The following SS18L1 variants were observed in gnomAD, a reference collection of about 807,000 sequenced individuals.
SS18L1 encodes calcium-responsive transactivator.
A neutral mutation model predicts 70.3 loss-of-function variants in SS18L1; 32 were observed. That is an observed-to-expected ratio of 0.46 (90% CI 0.34 to 0.61). The LOEUF (loss-of-function observed/expected upper bound fraction) is 0.61, where lower values mean the gene tolerates loss of function less well. Ranked by LOEUF, SS18L1 falls within the 20% of genes least tolerant of loss-of-function variation. SS18L1 has a pLI of 0.01. For synonymous variants in SS18L1, 237 were observed against 229.7 expected (o/e 1.03, Z -0.29); for missense variants, 430 against 542.1 (o/e 0.79, Z 2.05).
intron 8 of SS18L1, 134 bp downstream of exon 8, chr20:62,165,648 G>A (rs1334919246): frequency 8.4e-6 from 7 of 830,726 alleles, no homozygotes; most frequent in Admixed American, 4.6e-5. Context: ...CGTGGGAGGA[G>A]AGACAGTGTG....
intron 8 of SS18L1, among the ~76,000 whole-genome samples, chr20:62,170,281 G>A (rs1230809031): frequency 3.9e-5 from 6 of 152,340 alleles, no homozygotes; most frequent in African/African-American, 9.6e-5. Flanking sequence ...CGGGGCAGGC[G>A]GATCACGAGG....
At chr20:62,157,851 G>C (rs111353673) in intron 1 of SS18L1, among the ~76,000 whole-genome samples, 121 of 152,058 alleles carry the variant, frequency 8.0e-4, no homozygotes, top group African/African-American at 2.8e-3. Flanking sequence ...GCAGTCTCAC[G>C]CATCTTTTCT....
At position 62,159,494 on chromosome 20, in the gene SS18L1, C is replaced by T. The variant is rs1169369418; in HGVS notation, c.147-383C>T. 3.9e-5 allele frequency among the ~76,000 whole-genome samples: 6 copies of T among 152,158 alleles called. No homozygotes were observed. ...GGGTCGTTGGCTCTATGGAGTCCGCCCACTGCCTGGCTCAGCTGGACGAGG... is the reference window on the plus strand; with the variant it reads ...GGGTCGTTGGCTCTATGGAGTCCGCTCACTGCCTGGCTCAGCTGGACGAGG... On this transcript the variant is annotated intron_variant, in intron 2 of 10. Transcript: ENST00000331758. This position sits in a 1 kb window ranked among gnomAD's most constrained non-coding sequence, Gnocchi z 4.4.
At chr20:62,165,535 C>G (rs1299750102) in intron 8 of SS18L1, 21 bp downstream of exon 8, 4 of 1,283,138 alleles carry the variant, frequency 3.1e-6, no homozygotes, top group Non-Finnish European at 4.1e-6. Context: ...CGGCTGCGTG[C>G]TGGGCTCGAG....
chr20:62,153,754 G>T (rs781527570), intron 1 of SS18L1, among the ~76,000 whole-genome samples: 1 of 152,026 alleles, frequency 6.6e-6, no homozygotes, highest in African/African-American at 2.4e-5. Context: ...GCTGCTCTCC[G>T]TGGGTCTCCC....
chr20:62,151,957 C>T (rs1011261316), intron 1 of SS18L1, among the ~76,000 whole-genome samples: 1 of 148,954 alleles, frequency 6.7e-6, no homozygotes, highest in Non-Finnish European at 1.5e-5. Flanking sequence ...AGCTGGCCTC[C>T]CCCGTTCCCC....
Position 62,163,433 on chromosome 20 carries a change from G to A in SS18L1, c.557-25G>A, listed in dbSNP as rs537865338. 32 of 1,611,194 alleles carry A rather than the reference G, an allele frequency of 2.0e-5. 1 individual carries two copies. Among genetic ancestry groups the A allele is most frequent in the Middle Eastern group, 1.8e-4 (1 of 5,536 alleles). On this transcript the variant is annotated intron_variant, in intron 5 of 10. Transcript: ENST00000331758. ...AGGGCGGGAGGCTTCCCGGGGTGAT[G>A]TGGGGCCTCTGTCCTGTCGTTCAGT...
intron 8 of SS18L1, 110 bp from the exon 9 acceptor site, chr20:62,172,572 A>G (rs984918272): frequency 1.3e-6 from 2 of 1,507,862 alleles, no homozygotes; most frequent in Admixed American, 3.4e-5. Context: ...ATGCCGAAGC[A>G]ATGGATTTGG....
rs2057690558 is a variant in SS18L1 at position 62,180,551 on chromosome 20, A to C, written c.*1343A>C. On this transcript the variant is annotated 3_prime_UTR_variant, in exon 11 of 11. Transcript: ENST00000331758. ...ACAAGAGATATCCAATGCTTGATAT[A>C]TGAGGCCTAGTAATAACGATATTTC... 3 of 179,140 alleles carry C rather than the reference A, an allele frequency of 1.7e-5. No individual in the cohort carries two copies. The highest frequency in any genetic ancestry group is 7.1e-5 in the African/African-American group (3 of 42,362). The allele number at this position is 179,140 out of a possible 1,614,324, so 11.1% of individuals were successfully genotyped here.
At chr20:62,144,981 G>A (rs537723495) in intron 1 of SS18L1, among the ~76,000 whole-genome samples, 1 of 152,384 alleles carries the variant, frequency 6.6e-6, no homozygotes, top group South Asian at 2.1e-4. Flanking sequence ...TGACGTGCCA[G>A]TCTCCTGTGG....
Position 62,164,355 on chromosome 20 carries a change from A to T in SS18L1, c.823+109A>T, listed in dbSNP as rs146717877. ...TGGCCACTGCAGTGTGTCCTCAGTCATTCCAGCTCAGGCCTGGGCTACAGG... is the reference window on the plus strand; with the variant it reads ...TGGCCACTGCAGTGTGTCCTCAGTCTTTCCAGCTCAGGCCTGGGCTACAGG... On this transcript the variant is annotated intron_variant, in intron 7 of 10. Transcript: ENST00000331758. 495 of 1,145,380 alleles carry T rather than the reference A, an allele frequency of 4.3e-4. 2 individuals carry two copies. The African/African-American group carries it at 7.1e-3, about 16-fold the overall frequency. 71.0% of individuals were successfully genotyped at this position (1,145,380 alleles called of 1,614,324 possible). A position where few individuals can be genotyped will look rare whatever the true frequency, so the allele number is the denominator to read the frequency against.
chr20:62,175,011 A>G (rs1340372874), intron 10 of SS18L1: 33 of 831,644 alleles, frequency 4.0e-5, no homozygotes, highest in Non-Finnish European at 4.8e-5. Context: ...CGCTACAGAG[A>G]CATAAGGTGG....
chr20:62,179,302 T>C lies in SS18L1; in HGVS notation c.*94T>C. ...GCTCTGGTGAATTGTGACATGTTGG[T>C]TACCTGTTCGCCCAGTGCCACGTCT... On this transcript the variant is annotated 3_prime_UTR_variant, in exon 11 of 11. Coordinates refer to ENST00000331758, the MANE Select transcript of SS18L1 (RefSeq NM_198935.3). 6.9e-7 allele frequency: 1 copy of C among 1,457,634 alleles called. No homozygotes were observed. Among genetic ancestry groups the C allele is most frequent in the Admixed American group, 1.7e-5 (1 of 59,056 alleles). The allele number at this position is 1,457,634 out of a possible 1,614,324, so 90.3% of individuals were successfully genotyped here.
At position 62,158,577 on chromosome 20, in the gene SS18L1, A is replaced by G. The variant is rs1031085585; in HGVS notation, c.70-95A>G. 105 of 1,530,582 alleles carry G rather than the reference A, an allele frequency of 6.9e-5. 1 individual carries two copies. In the East Asian group the frequency reaches 2.4e-3, roughly 34 times the overall value. The allele number at this position is 1,530,582 out of a possible 1,614,324, so 94.8% of individuals were successfully genotyped here. A position where few individuals can be genotyped will look rare whatever the true frequency, so the allele number is the denominator to read the frequency against. On this transcript the variant is annotated intron_variant, in intron 1 of 10. Coordinates refer to ENST00000331758, the MANE Select transcript of SS18L1 (RefSeq NM_198935.3). This position sits in a 1 kb window ranked among gnomAD's most constrained non-coding sequence, Gnocchi z 4.5. Reference sequence around the variant, plus strand: ...ACACGTTTCACGTAAGGGACGCTCAACCTATATGAAAACTAGATGTGTAGC... The same window carrying G: ...ACACGTTTCACGTAAGGGACGCTCAGCCTATATGAAAACTAGATGTGTAGC...
chr20:62,179,314 C>T lies in SS18L1; in HGVS notation c.*106C>T. ...TGTGACATGTTGGTTACCTGTTCGC[C>T]CAGTGCCACGTCTGCATGTGAAGCG... On this transcript the variant is annotated 3_prime_UTR_variant, in exon 11 of 11. Transcript: ENST00000331758. 1 of 1,286,940 alleles carries T rather than the reference C, an allele frequency of 7.8e-7. No individual in the cohort carries two copies. Among genetic ancestry groups the T allele is most frequent in the Middle Eastern group, 2.2e-4 (1 of 4,524 alleles). The allele number at this position is 1,286,940 out of a possible 1,614,324, so 79.7% of individuals were successfully genotyped here.
intron 1 of SS18L1, among the ~76,000 whole-genome samples, chr20:62,152,491 C>T (rs1427322714): frequency 2.0e-5 from 3 of 152,212 alleles, no homozygotes; most frequent in Non-Finnish European, 2.9e-5. Flanking sequence ...CGGGTTTACC[C>T]CTGAACCTGT....
At chr20:62,169,904 G>C (rs1243879556) in intron 8 of SS18L1, among the ~76,000 whole-genome samples, 1 of 152,220 alleles carries the variant, frequency 6.6e-6, no homozygotes, top group Admixed American at 6.5e-5. Flanking sequence ...GCATTTCTCA[G>C]GCCCTCGCCA....
intron 6 of SS18L1, among the ~76,000 whole-genome samples, 186 bp downstream of exon 6, chr20:62,163,808 T>C (rs1267645668): frequency 6.6e-6 from 1 of 151,784 alleles, no homozygotes; most frequent in South Asian, 2.1e-4. Flanking sequence ...GTGTGGCCCG[T>C]GGAGGGTCTG....
At chr20:62,144,617 G>C (rs1402148137) in intron 1 of SS18L1, among the ~76,000 whole-genome samples, 7 of 152,238 alleles carry the variant, frequency 4.6e-5, no homozygotes, top group Non-Finnish European at 1.0e-4. Context: ...TGACGGATTT[G>C]CTCCACAACC....
Sources: allele counts gnomAD v4.1 joint callset (sites outside exome capture counted in the v4.1 genomes callset), GRCh38; gene constraint gnomAD v4.1.1; non-coding constraint Gnocchi (gnomAD v3.1); transcripts MANE v1.5; gene names NCBI Gene and HGNC (gene_info 2026-07-23, HGNC 2026-07-21).